Variants in LURAP1L observed in about 807,000 individuals in gnomAD.
LURAP1L encodes the protein leucine rich adaptor protein 1 like, also known as leucine rich adaptor protein 1-like.
In LURAP1L, 12 loss-of-function variants were observed where a neutral mutation model predicts 13.8. The observed-to-expected ratio is 0.87, with a 90% CI of 0.56 to 1.41. The LOEUF (loss-of-function observed/expected upper bound fraction) is 1.41, where lower values mean the gene tolerates loss of function less well. LURAP1L is among the 40% of genes most tolerant of loss of function. The pLI is 0.00. For missense variants in LURAP1L, 375 were observed against 292.9 expected (o/e 1.28, Z -2.04); for synonymous variants, 139 against 119.2 (o/e 1.17, Z -1.08).
intron 1 of LURAP1L, among the ~76,000 whole-genome samples, chr9:12,811,208 A>G (rs553804617): frequency 1.3e-5 from 2 of 152,306 alleles, no homozygotes; most frequent in South Asian, 4.1e-4. Context: ...AACTTAATAA[A>G]GTTGTCAATA....
intron 1 of LURAP1L, among the ~76,000 whole-genome samples, chr9:12,805,292 A>G (rs1304290557): frequency 6.6e-6 from 1 of 152,192 alleles, no homozygotes; most frequent in Non-Finnish European, 1.5e-5. Flanking sequence ...AGACTCTAAT[A>G]TTAGAAAAAG....
At chr9:12,779,812 T>C (rs1219045446) in intron 1 of LURAP1L, among the ~76,000 whole-genome samples, 1 of 152,190 alleles carries the variant, frequency 6.6e-6, no homozygotes, top group Non-Finnish European at 1.5e-5. Flanking sequence ...ACATTAAACA[T>C]GTTAAACTGT....
At chr9:12,818,218 T>A (rs916447696) in intron 1 of LURAP1L, among the ~76,000 whole-genome samples, 3 of 152,170 alleles carry the variant, frequency 2.0e-5, no homozygotes, top group Non-Finnish European at 2.9e-5. Flanking sequence ...CCACTCCTCT[T>A]TTCTTCTTAC....
At chr9:12,794,314 C>G (rs1221999650) in intron 1 of LURAP1L, among the ~76,000 whole-genome samples, 1 of 151,966 alleles carries the variant, frequency 6.6e-6, no homozygotes, top group South Asian at 2.1e-4. Flanking sequence ...TGCTTTCTGT[C>G]TTAAGACAAA....
At chr9:12,791,272 C>T (rs1819437066) in intron 1 of LURAP1L, among the ~76,000 whole-genome samples, 2 of 151,938 alleles carry the variant, frequency 1.3e-5, no homozygotes, top group African/African-American at 4.8e-5. Context: ...AAAACAGATC[C>T]AAAATATGAA....
At chr9:12,795,385 A>G (rs1554658185) in intron 1 of LURAP1L, among the ~76,000 whole-genome samples, 1 of 152,080 alleles carries the variant, frequency 6.6e-6, no homozygotes, top group Non-Finnish European at 1.5e-5. Context: ...GGAGGAATAC[A>G]TTAATAATGT....
At chr9:12,804,238 T>G (rs376744846) in intron 1 of LURAP1L, among the ~76,000 whole-genome samples, 57 of 152,280 alleles carry the variant, frequency 3.7e-4, no homozygotes, top group African/African-American at 1.2e-3. Flanking sequence ...GAATCATAGT[T>G]TTAAGCTCTT....
chr9:12,806,025 T>A (rs1819651846), intron 1 of LURAP1L, among the ~76,000 whole-genome samples: 1 of 152,210 alleles, frequency 6.6e-6, no homozygotes, highest in Non-Finnish European at 1.5e-5. Flanking sequence ...TCTATTGCTG[T>A]TTGTGATTCA....
At chr9:12,806,032 T>G (rs1205564763) in intron 1 of LURAP1L, among the ~76,000 whole-genome samples, 1 of 152,206 alleles carries the variant, frequency 6.6e-6, no homozygotes, top group African/African-American at 2.4e-5. Flanking sequence ...CTGTTTGTGA[T>G]TCACCCCAGG....
intron 1 of LURAP1L, chr9:12,790,749 T>G (rs1335087744): frequency 2.0e-5 from 3 of 151,858 alleles, no homozygotes; most frequent in Non-Finnish European, 1.5e-5. Context: ...GCAGTAGTTT[T>G]TTTTTTTTTT....
intron 1 of LURAP1L, among the ~76,000 whole-genome samples, chr9:12,807,622 C>T (rs1295306715): frequency 6.6e-6 from 1 of 152,124 alleles, no homozygotes; most frequent in Non-Finnish European, 1.5e-5. Context: ...GTTTGTTTAT[C>T]CACTTTGACA....
intron 1 of LURAP1L, among the ~76,000 whole-genome samples, chr9:12,809,352 GT>G (rs1342799783): frequency 1.3e-5 from 2 of 152,106 alleles, no homozygotes; most frequent in Non-Finnish European, 2.9e-5. Context: ...AGTTTGGGGA[GT>G]TTCTGTGGAC....
intron 1 of LURAP1L, among the ~76,000 whole-genome samples, chr9:12,797,356 C>T (rs117800824): frequency 3.4e-4 from 52 of 152,120 alleles, no homozygotes; most frequent in African/African-American, 1.1e-3. Context: ...AATCACACTG[C>T]GATTACTTTA....
chr9:12,795,282 T>C (rs563931564), intron 1 of LURAP1L, among the ~76,000 whole-genome samples: 35 of 152,194 alleles, frequency 2.3e-4, no homozygotes, highest in African/African-American at 8.4e-4. Flanking sequence ...GATTATTGTA[T>C]ATATCTTAGT....
In LURAP1L at chr9:12,775,952, TGGCTCCCCACGAG is replaced by T; in HGVS notation, c.239_251del (p.Gly80ValfsTer10). The stretch of plus-strand genomic sequence containing the variant: ...CCTCCTCTTCGTCCTCCCCAACCTC[TGGCTCCCCACGAG>T]GTAGCCACTCTAGCGCCCTGGAGAG... On this transcript the variant is annotated frameshift_variant, in exon 1 of 2. Transcript: ENST00000319264. LOFTEE classifies it high-confidence loss of function. 6.3e-7 allele frequency: 1 copy of T among 1,589,554 alleles called. No homozygotes were observed. Among genetic ancestry groups the T allele is most frequent in the East Asian group, 2.3e-5 (1 of 43,332 alleles).
At chr9:12,784,290 T>A (rs557601788) in intron 1 of LURAP1L, among the ~76,000 whole-genome samples, 1 of 152,220 alleles carries the variant, frequency 6.6e-6, no homozygotes, top group South Asian at 2.1e-4. Flanking sequence ...ACAAGTGAGG[T>A]ATTTATTGTA....
intron 1 of LURAP1L, among the ~76,000 whole-genome samples, chr9:12,784,381 G>A (rs1266541543): frequency 6.6e-6 from 1 of 152,166 alleles, no homozygotes; most frequent in African/African-American, 2.4e-5. Flanking sequence ...TGAGTGTTCA[G>A]ATCTAAGTAT....
intron 1 of LURAP1L, among the ~76,000 whole-genome samples, chr9:12,801,123 G>A (rs367748322): frequency 6.6e-6 from 1 of 152,054 alleles, no homozygotes; most frequent in African/African-American, 2.4e-5. Flanking sequence ...TACCTTTGGT[G>A]CAAAAATAAT....
intron 1 of LURAP1L, among the ~76,000 whole-genome samples, chr9:12,798,175 C>G (rs1313276990): frequency 6.6e-6 from 1 of 152,110 alleles, no homozygotes; most frequent in Non-Finnish European, 1.5e-5. Context: ...TAGGATAGGG[C>G]AGCATCTGAG....
Sources: allele counts gnomAD v4.1 joint callset (sites outside exome capture counted in the v4.1 genomes callset), GRCh38; gene constraint gnomAD v4.1.1; transcripts MANE v1.5; gene names NCBI Gene and HGNC (gene_info 2026-07-23, HGNC 2026-07-21).